SYT14: variants seen among roughly 807,000 people sequenced by gnomAD.
SYT14 encodes the protein synaptotagmin 14, also known as synaptotagmin-14.
A neutral mutation model predicts 74.2 loss-of-function variants in SYT14; 32 were observed. The ratio of observed to expected loss-of-function variants is 0.43; its 90% CI spans 0.33 to 0.58. SYT14 has a LOEUF of 0.58. Among genes scored for constraint, SYT14 ranks in the 20% least tolerant of loss-of-function variants. The probability of loss-of-function intolerance (pLI) is 0.05; values close to 1 mark genes in which losing one functional copy is unlikely to be tolerated. For missense variants in SYT14, 791 were observed against 981.8 expected, an observed-to-expected ratio of 0.81 and a Z score of 2.60; for synonymous variants, 298 against 337.7, an observed-to-expected ratio of 0.88 and a Z score of 1.29.
chr1:209,938,429 G>A (rs1028151868), intron 1 of SYT14, 152 bp downstream of exon 1: 2 of 656,412 alleles, frequency 3.0e-6, no homozygotes, highest in African/African-American at 3.9e-5. Context: ...CGCGTCTCGG[G>A]AGGCGGGTGG....
chr1:210,163,239 CTAAT>C (rs58929240), exon 10 of SYT14: 92,862 of 453,320 alleles, frequency 0.2, 11,949 homozygotes, highest in African/African-American at 0.47. Context: ...AAAGACCTAA[CTAAT>C]TGTTATTTGT....
At chr1:209,981,495 A>T (rs1222804350) in intron 2 of SYT14, among the ~76,000 whole-genome samples, 3 of 121,194 alleles carry the variant, frequency 2.5e-5, no homozygotes, top group African/African-American at 9.5e-5. Context: ...TCTGTTGCCC[A>T]AGCTAGAGAG....
intron 6 of SYT14, 63 bp downstream of exon 5, chr1:210,094,656 T>G (rs2081937642): frequency 1.3e-6 from 2 of 1,552,854 alleles, no homozygotes; most frequent in African/African-American, 1.4e-5. Context: ...ATCCTGTGCT[T>G]CTCCTCTTGG....
intron 1 of SYT14, among the ~76,000 whole-genome samples, chr1:209,941,270 G>A (rs754811685): frequency 1.3e-5 from 2 of 152,308 alleles, no homozygotes; most frequent in South Asian, 2.1e-4. Context: ...TAAGATGATA[G>A]AGTTACCACA....
At chr1:210,033,272 A>C (rs1309552947) in intron 5 of SYT14, among the ~76,000 whole-genome samples, 1 of 151,864 alleles carries the variant, frequency 6.6e-6, no homozygotes. Flanking sequence ...ACATTATGGT[A>C]ATATGTTTCT....
chr1:210,076,579 A>G (rs965507819), intron 5 of SYT14, among the ~76,000 whole-genome samples: 2 of 152,158 alleles, frequency 1.3e-5, no homozygotes, highest in African/African-American at 4.8e-5. Context: ...AATACCCAAG[A>G]CTAGGCTGTT....
At chr1:210,067,475 A>G (rs1205191793) in intron 5 of SYT14, among the ~76,000 whole-genome samples, 1 of 151,870 alleles carries the variant, frequency 6.6e-6, no homozygotes, top group Non-Finnish European at 1.5e-5. Context: ...TCTTTCAACG[A>G]TGTTTTTCAG....
At chr1:210,018,352 C>G (rs1240812399) in intron 4 of SYT14, among the ~76,000 whole-genome samples, 1 of 152,032 alleles carries the variant, frequency 6.6e-6, no homozygotes, top group East Asian at 1.9e-4. Context: ...CCGGGATGGT[C>G]TCGGTCTCCT....
rs769189805 is a variant in SYT14, at chr1:210,100,347, A to G, written c.1920A>G (p.Val640=). Residue 640 remains valine, a synonymous_variant, in exon 7 of 10, where the codon GTA becomes GTG. Coordinates refer to ENST00000637265, the Ensembl canonical transcript of SYT14. ...CAGTTCGGTTTAGACTGTATGGTGT[A>G]CATCGCATGAAAAAAGAAAAGATTG... The G allele has an allele frequency of 4.3e-6, 7 of 1,613,948 alleles. No individual in the cohort carries two copies. In the African/African-American group the frequency reaches 8.0e-5, roughly 18 times the overall value.
chr1:210,129,750 C>G (rs539249292), intron 7 of SYT14, among the ~76,000 whole-genome samples: 59 of 152,308 alleles, frequency 3.9e-4, no homozygotes, highest in Admixed American at 8.5e-4. Flanking sequence ...CAATCAGTGT[C>G]TTTCTAATAT....
At chr1:210,160,740 A>C in exon 10 of SYT14, 1 of 1,613,676 alleles carries the variant, frequency 6.2e-7, no homozygotes, top group Non-Finnish European at 8.5e-7. Context: ...TACATATGTT[A>C]AGTTAACTCT....
intron 7 of SYT14, among the ~76,000 whole-genome samples, chr1:210,108,839 G>C (rs2082206748): frequency 6.6e-6 from 1 of 152,182 alleles, no homozygotes; most frequent in African/African-American, 2.4e-5. Context: ...AGAAAGAGTT[G>C]TGAGAGGAGT....
intron 5 of SYT14, among the ~76,000 whole-genome samples, chr1:210,060,919 A>G (rs757613564): frequency 2.6e-5 from 4 of 152,060 alleles, no homozygotes; most frequent in Non-Finnish European, 2.9e-5. Context: ...AATTAAATTC[A>G]GGGCTTAATC....
chr1:209,942,367 C>A (rs1028456134), intron 1 of SYT14, among the ~76,000 whole-genome samples: 11 of 130,108 alleles, frequency 8.5e-5, no homozygotes, highest in Non-Finnish European at 1.3e-4. Flanking sequence ...TTTACCCCCC[C>A]CCCCCCGCTC....
chr1:210,155,601 G>T, intron 7 of SYT14, 120 bp from the exon 7 acceptor site: 1 of 1,033,808 alleles, frequency 9.7e-7, no homozygotes, highest in Non-Finnish European at 1.4e-6. Flanking sequence ...TCTGGTGTTT[G>T]GTTTGCAACT....
At chr1:210,051,850 T>C (rs1046104433) in intron 5 of SYT14, among the ~76,000 whole-genome samples, 2 of 152,222 alleles carry the variant, frequency 1.3e-5, no homozygotes, top group African/African-American at 4.8e-5. Context: ...GATATTAATA[T>C]CAGATTCTTT....
chr1:210,060,125 G>A (rs1428000495), intron 5 of SYT14, among the ~76,000 whole-genome samples: 1 of 152,104 alleles, frequency 6.6e-6, no homozygotes, highest in East Asian at 1.9e-4. Context: ...AGAGCCAATG[G>A]GTATGGTTGT....
intron 2 of SYT14, among the ~76,000 whole-genome samples, chr1:210,000,883 G>A (rs865860902): frequency 1.3e-5 from 2 of 151,986 alleles, no homozygotes; most frequent in Non-Finnish European, 2.9e-5. Context: ...AAAGTGCTGG[G>A]ATGCCTTCTT....
intron 2 of SYT14, among the ~76,000 whole-genome samples, chr1:209,976,073 A>G (rs1386020228): frequency 6.6e-6 from 1 of 151,464 alleles, no homozygotes; most frequent in Non-Finnish European, 1.5e-5. Flanking sequence ...TTTTTATTGC[A>G]TCTATTTGAT....
Sources: allele counts gnomAD v4.1 joint callset (sites outside exome capture counted in the v4.1 genomes callset), GRCh38; gene constraint gnomAD v4.1.1; transcripts MANE v1.5; gene names NCBI Gene and HGNC (gene_info 2026-07-23, HGNC 2026-07-21).